PEPD: variants seen among roughly 807,000 people sequenced by gnomAD.
PEPD encodes the protein peptidase D.
A neutral mutation model predicts 60.7 loss-of-function variants in PEPD; 53 were observed. The observed-to-expected ratio is 0.87, with a 90% CI of 0.70 to 1.10. PEPD has a LOEUF of 1.10. PEPD is among the 50% of genes least tolerant of loss of function. The pLI is 0.00. For missense variants in PEPD, 711 were observed against 711.9 expected (o/e 1.00, Z 0.01); for synonymous variants, 267 against 284.1 (o/e 0.94, Z 0.60).
intron 3 of PEPD, among the ~76,000 whole-genome samples, chr19:33,509,759 C>T (rs1221084482): frequency 3.3e-5 from 5 of 152,222 alleles, no homozygotes; most frequent in Admixed American, 1.3e-4. Context: ...CAGCATTTAG[C>T]GGGATCCTCT....
intron 12 of PEPD, among the ~76,000 whole-genome samples, chr19:33,399,275 C>T (rs1968434696): frequency 6.6e-6 from 1 of 152,216 alleles, no homozygotes; most frequent in Admixed American, 6.5e-5. Flanking sequence ...AGCCACAGAG[C>T]CCGGCCTGCT....
At chr19:33,422,385 C>CCCATCCATCCATCTAT (rs1309697192) in intron 9 of PEPD, among the ~76,000 whole-genome samples, 1 of 151,574 alleles carries the variant, frequency 6.6e-6, no homozygotes, top group Non-Finnish European at 1.5e-5. Flanking sequence ...CATCCATCTA[C>CCCATCCATCCATCTAT]CCATCCATCC....
At chr19:33,514,057 G>A (rs571161643) in intron 1 of PEPD, among the ~76,000 whole-genome samples, 17 of 152,194 alleles carry the variant, frequency 1.1e-4, no homozygotes, top group African/African-American at 3.6e-4. Flanking sequence ...AGCAGGTGTC[G>A]GTATCTATGG....
intron 9 of PEPD, among the ~76,000 whole-genome samples, chr19:33,457,300 G>A (rs1410935261): frequency 1.3e-5 from 2 of 152,094 alleles, no homozygotes; most frequent in African/African-American, 4.8e-5. Flanking sequence ...GCAAGGTAGT[G>A]AGCACCTGTG....
chr19:33,479,010 T>C (rs1366563457), intron 6 of PEPD, among the ~76,000 whole-genome samples: 3 of 152,176 alleles, frequency 2.0e-5, no homozygotes, highest in Non-Finnish European at 2.9e-5. Context: ...TAAATCTGTA[T>C]TGATAAGTAC....
chr19:33,395,707 G>A (rs529458395), intron 12 of PEPD, among the ~76,000 whole-genome samples: 8 of 152,332 alleles, frequency 5.3e-5, no homozygotes, highest in African/African-American at 1.7e-4. Flanking sequence ...GCCCCAGGGG[G>A]CTCCCGGGCC....
At position 33,496,595 on chromosome 19, in the gene PEPD, G is replaced by A. The variant is rs193284437; in HGVS notation, c.394-3258C>T. Among the ~76,000 whole-genome samples, 83 of 152,312 alleles carry A rather than the reference G, an allele frequency of 5.4e-4. 1 individual carries two copies. Among genetic ancestry groups the A allele is most frequent in the Non-Finnish European group, 9.4e-4 (64 of 68,028 alleles). On this transcript the variant is annotated intron_variant, in intron 4 of 14. Transcript: ENST00000244137. The stretch of plus-strand genomic sequence containing the variant: ...GACGCGCTGTGCGTTGCTGGCTCCC[G>A]ATGTATCCCCAGCACACAAGACAGC...
chr19:33,401,437 C>A (rs1040437418), intron 12 of PEPD, among the ~76,000 whole-genome samples: 1 of 152,234 alleles, frequency 6.6e-6, no homozygotes, highest in African/African-American at 2.4e-5. Context: ...GACAGGCTGG[C>A]GTGCTAGTGG....
intron 9 of PEPD, among the ~76,000 whole-genome samples, chr19:33,426,169 A>C (rs757182482): frequency 1.3e-5 from 2 of 151,906 alleles, no homozygotes; most frequent in Non-Finnish European, 2.9e-5. Context: ...CTCAGGTCTC[A>C]TGTCACTGCA....
chr19:33,472,525 C>T (rs979083979), intron 7 of PEPD, among the ~76,000 whole-genome samples: 19 of 152,160 alleles, frequency 1.2e-4, no homozygotes, highest in Non-Finnish European at 1.3e-4. Context: ...GGCCTACTCT[C>T]CTGCTACAGA....
intron 13 of PEPD, among the ~76,000 whole-genome samples, chr19:33,389,885 G>A (rs994783753): frequency 2.0e-5 from 3 of 152,270 alleles, no homozygotes; most frequent in South Asian, 4.1e-4. Context: ...AGAACAGGGC[G>A]CAGGCGCCAT....
chr19:33,388,763 G>C (rs1043861997), intron 13 of PEPD: 1 of 163,590 alleles, frequency 6.1e-6, no homozygotes. Flanking sequence ...CTGAGGGACA[G>C]TGGTAGAGCC....
chr19:33,417,906 C>T (rs1194910597), intron 9 of PEPD, among the ~76,000 whole-genome samples: 4 of 152,240 alleles, frequency 2.6e-5, no homozygotes, highest in African/African-American at 9.6e-5. Flanking sequence ...CCTGGGCCCA[C>T]ACACTCCCAG....
At chr19:33,462,181 G>A (rs1474987008) in intron 9 of PEPD, among the ~76,000 whole-genome samples, 2 of 152,208 alleles carry the variant, frequency 1.3e-5, no homozygotes, top group East Asian at 3.9e-4. Context: ...CATCTGGGGT[G>A]GACTTGGGCC....
chr19:33,506,869 ACAC>A (rs1970823926), intron 3 of PEPD, among the ~76,000 whole-genome samples: 1 of 147,130 alleles, frequency 6.8e-6, no homozygotes, highest in Non-Finnish European at 1.5e-5. Context: ...AACACCCTAC[ACAC>A]CACACACCCC....
intron 7 of PEPD, among the ~76,000 whole-genome samples, chr19:33,464,996 C>T (rs1237186641): frequency 6.6e-6 from 1 of 152,174 alleles, no homozygotes; most frequent in African/African-American, 2.4e-5. Flanking sequence ...CAGCTCCACC[C>T]CTTCCCAGCG....
At chr19:33,418,166 C>G (rs1968930256) in intron 9 of PEPD, among the ~76,000 whole-genome samples, 1 of 152,214 alleles carries the variant, frequency 6.6e-6, no homozygotes, top group Non-Finnish European at 1.5e-5. Context: ...TGGGGCCAAG[C>G]AGTTGTGCTG....
At chr19:33,485,253 G>T (rs777727533) in intron 6 of PEPD, among the ~76,000 whole-genome samples, 3 of 150,566 alleles carry the variant, frequency 2.0e-5, no homozygotes, top group Non-Finnish European at 3.0e-5. Context: ...CAGCACTTTG[G>T]GAGGCCGAGG....
chr19:33,513,703 G>A (rs1176067304), intron 1 of PEPD, among the ~76,000 whole-genome samples: 1 of 152,186 alleles, frequency 6.6e-6, no homozygotes, highest in Non-Finnish European at 1.5e-5. Flanking sequence ...TCTGAGTGCA[G>A]ACTTCACTCC....
Sources: gnomAD v4.1 joint callset for allele counts (sites outside exome capture counted in the v4.1 genomes callset) on GRCh38, gnomAD v4.1.1 for gene constraint, MANE v1.5 for transcripts, NCBI Gene and HGNC (gene_info 2026-07-23, HGNC 2026-07-21) for gene names.